The following CHRNA7 variants were observed in gnomAD, a reference collection of about 807,000 sequenced individuals.
CHRNA7 encodes the protein neuronal acetylcholine receptor subunit alpha-7.
CHRNA7 carries 17 observed loss-of-function variants against 48.0 expected under a neutral mutation model. That is an observed-to-expected ratio of 0.35 (90% CI 0.24 to 0.53). The LOEUF is 0.53. Among genes scored for constraint, CHRNA7 ranks in the 20% least tolerant of loss-of-function variants. The pLI, the probability that CHRNA7 is intolerant of heterozygous loss-of-function variation, is 0.92. For missense variants in CHRNA7, 155 were observed against 577.7 expected (o/e 0.27, Z 7.50); for synonymous variants, 75 against 242.3 (o/e 0.31, Z 6.41).
intron 2 of CHRNA7, among the ~76,000 whole-genome samples, chr15:32,076,386 G>A (rs1246511317): frequency 6.6e-6 from 1 of 152,102 alleles, no homozygotes; most frequent in Non-Finnish European, 1.5e-5. Flanking sequence ...TTGGCAGATT[G>A]GCCTGTTTAT....
chr15:32,101,403 T>C, intron 3 of CHRNA7, 56 bp downstream of exon 3: 3 of 1,529,904 alleles, frequency 2.0e-6, no homozygotes, highest in Non-Finnish European at 2.6e-6. Context: ...GCACCCAAGA[T>C]TCTTGTTCTG....
chr15:32,108,757 C>CT (rs1566844520), intron 3 of CHRNA7, among the ~76,000 whole-genome samples: 1 of 152,094 alleles, frequency 6.6e-6, no homozygotes, highest in Non-Finnish European at 1.5e-5. Context: ...ATCTCTCTCT[C>CT]TTTTTTTAAG....
chr15:32,052,491 G>T (rs1392553261), intron 2 of CHRNA7, among the ~76,000 whole-genome samples: 2 of 152,148 alleles, frequency 1.3e-5, no homozygotes, highest in African/African-American at 4.8e-5. Flanking sequence ...AGCAGTTTGG[G>T]AGGCCAAAGA....
chr15:32,087,144 A>G (rs886955008), intron 2 of CHRNA7, among the ~76,000 whole-genome samples: 1 of 152,030 alleles, frequency 6.6e-6, no homozygotes, highest in Non-Finnish European at 1.5e-5. Context: ...CCTTCACCCC[A>G]TTTATTTATT....
chr15:32,097,983 C>G (rs1566836378), intron 2 of CHRNA7, among the ~76,000 whole-genome samples: 1 of 152,220 alleles, frequency 6.6e-6, no homozygotes, highest in Non-Finnish European at 1.5e-5. Context: ...TAGGTAAATT[C>G]TGGGCAGTGG....
intron 4 of CHRNA7, among the ~76,000 whole-genome samples, chr15:32,122,548 C>G (rs537611336): frequency 5.3e-5 from 8 of 152,016 alleles, no homozygotes; most frequent in Non-Finnish European, 1.2e-4. Context: ...TCCTTTATGG[C>G]TTTGGGGTCC....
intron 2 of CHRNA7, among the ~76,000 whole-genome samples, chr15:32,051,731 G>A (rs115437496): frequency 0.013 from 1,955 of 152,302 alleles, 38 homozygotes; most frequent in African/African-American, 0.045. Context: ...GGAATCACCC[G>A]TCTTCTGCAT....
At position 32,030,570 on chromosome 15, in the gene CHRNA7, G is replaced by C. The variant is rs754175459; in HGVS notation, c.-25G>C. ...GACAGCCGAGACGTGGAGCGCGCCG[G>C]CTCGCTGCAGCTCCGGGACTCAACA... is the stretch of plus-strand genomic sequence containing the variant. On this transcript the variant is annotated 5_prime_UTR_variant, in exon 1 of 10. Coordinates refer to ENST00000306901, the MANE Select transcript of CHRNA7 (RefSeq NM_000746.6). 1.4e-6 allele frequency: 2 copies of C among 1,476,424 alleles called. No individual in the cohort carries two copies. The highest frequency in any genetic ancestry group is 5.9e-5 in the East Asian group (2 of 33,870). 91.5% of individuals were successfully genotyped at this position (1,476,424 alleles called of 1,614,324 possible). A position where few individuals can be genotyped will look rare whatever the true frequency, so the allele number is the denominator to read the frequency against.
intron 3 of CHRNA7, among the ~76,000 whole-genome samples, chr15:32,106,762 T>C (rs1366674862): frequency 6.6e-6 from 1 of 152,270 alleles, no homozygotes; most frequent in Non-Finnish European, 1.5e-5. Flanking sequence ...TGGCATTTGA[T>C]GTCCCAGCCT....
Position 32,168,771 on chromosome 15 carries a change from T to TA in CHRNA7, c.*313_*314insA. 5 of 18,162 alleles carry TA rather than the reference T, an allele frequency of 2.8e-4. No homozygotes were observed. The highest frequency in any genetic ancestry group is 2.3e-3 in the South Asian group (2 of 882). 1.1% of individuals were successfully genotyped at this position (18,162 alleles called of 1,614,324 possible). A position where few individuals can be genotyped will look rare whatever the true frequency, so the allele number is the denominator to read the frequency against. ...CCTTCGGAGAGCTCCCCATGGCTCC[T>TA]CACCACCGAGACAGTTGGTTTTGCA... On this transcript the variant is annotated 3_prime_UTR_variant, in exon 10 of 10. Transcript: ENST00000306901.
chr15:32,100,175 G>A (rs1029191693), intron 2 of CHRNA7: 7 of 150,584 alleles, frequency 4.6e-5, no homozygotes, highest in African/African-American at 1.2e-4. Context: ...CAGATGCCAC[G>A]TTCTTTCTGC....
chr15:32,030,609 G>C lies in CHRNA7; in HGVS notation c.15G>C (p.Pro5=), dbSNP rs971427731. 3 of 1,560,018 alleles carry C rather than the reference G, an allele frequency of 1.9e-6. No individual in the cohort carries two copies. Among genetic ancestry groups the C allele is most frequent in the Admixed American group, 1.8e-5 (1 of 55,806 alleles). Residue 5 remains proline (P), a synonymous_variant, in exon 1 of 10, where the codon CCG becomes CCC. Coordinates refer to ENST00000306901, the MANE Select transcript of CHRNA7 (RefSeq NM_000746.6). ...CGGGACTCAACATGCGCTGCTCGCC[G>C]GGAGGCGTCTGGCTGGCGCTGGCCG... MRCS[P]GGVWLALAAS...
intron 2 of CHRNA7, among the ~76,000 whole-genome samples, chr15:32,091,739 C>A (rs910386246): frequency 6.6e-6 from 1 of 152,190 alleles, no homozygotes. Flanking sequence ...GTGAATAACA[C>A]TGGCCACTGG....
At chr15:32,132,331 T>G (rs1238141155) in intron 4 of CHRNA7, among the ~76,000 whole-genome samples, 1 of 152,170 alleles carries the variant, frequency 6.6e-6, no homozygotes, top group Non-Finnish European at 1.5e-5. Context: ...ATAGTAAACC[T>G]AGGGATGTCA....
Position 32,142,285 on chromosome 15 carries a change from G to A in CHRNA7, c.351-11622G>A, listed in dbSNP as rs937001515. Among the ~76,000 whole-genome samples, 9 of 152,266 alleles carry A rather than the reference G, an allele frequency of 5.9e-5. No homozygotes were observed. The South Asian group carries it at 1.5e-3, about 25-fold the overall frequency. On this transcript the variant is annotated intron_variant, in intron 4 of 9. Coordinates refer to ENST00000306901, the MANE Select transcript of CHRNA7 (RefSeq NM_000746.6). ...GGGATGAAGCCAACTTGATCATGAT[G>A]GATAAGCTTTTTGATGTGCTGTTGG...
intron 2 of CHRNA7, among the ~76,000 whole-genome samples, chr15:32,051,134 C>T (rs2049666373): frequency 6.6e-6 from 1 of 151,112 alleles, no homozygotes; most frequent in Non-Finnish European, 1.5e-5. Flanking sequence ...TGCCCGTTCT[C>T]AGATCTCCAG....
chr15:32,144,394 TG>T (rs763223473), intron 4 of CHRNA7, among the ~76,000 whole-genome samples: 78 of 152,182 alleles, frequency 5.1e-4, no homozygotes, highest in Non-Finnish European at 6.8e-4. Context: ...TTATGTGTCT[TG>T]GGGTTGCTCT....
intron 2 of CHRNA7, chr15:32,099,543 G>A (rs545737151): frequency 1.2e-4 from 19 of 152,322 alleles, no homozygotes; most frequent in Non-Finnish European, 2.2e-4. Context: ...AATTAGATTC[G>A]TAGTAATTGA....
At chr15:32,095,737 A>T (rs2050458193) in intron 2 of CHRNA7, among the ~76,000 whole-genome samples, 1 of 152,204 alleles carries the variant, frequency 6.6e-6, no homozygotes. Context: ...GGTCCTCTGA[A>T]AGCATTTCAG....
Sources: allele counts gnomAD v4.1 joint callset (sites outside exome capture counted in the v4.1 genomes callset), GRCh38; gene constraint gnomAD v4.1.1; transcripts MANE v1.5; gene names NCBI Gene and HGNC (gene_info 2026-07-23, HGNC 2026-07-21).